SPTBN2: variants seen among roughly 807,000 people sequenced by gnomAD.
The protein encoded by SPTBN2 is spectrin beta chain, non-erythrocytic 2.
SPTBN2 carries 107 observed loss-of-function variants against 284.2 expected under a neutral mutation model. That is an observed-to-expected ratio of 0.38 (90% CI 0.32 to 0.44). SPTBN2 has a LOEUF of 0.44. Among genes scored for constraint, SPTBN2 ranks in the 20% least tolerant of loss-of-function variants. The pLI is 1.00. For synonymous variants in SPTBN2, 1,289 were observed against 1,354.8 expected (o/e 0.95, Z 1.07); for missense variants, 2,569 against 3,287.1 (o/e 0.78, Z 5.34).
Position 66,713,709 on chromosome 11 carries a change from T to C in SPTBN2, c.694A>G (p.Asn232Asp). 2 of 1,614,166 alleles carry C rather than the reference T, an allele frequency of 1.2e-6. No individual in the cohort carries two copies. The highest frequency in any genetic ancestry group is 2.7e-5 in the African/African-American group (2 of 75,056). ...LLDFESLKKC[N>D]AHYNLQNAFN... is the part of the protein sequence containing the mutation. ...GCATTCTGCAGATTATAGTGTGCAT[T>C]ACACTTCTTCAGAGACTCAAAATCC... is the stretch of plus-strand genomic sequence containing the variant. The change falls in exon 8 of 38, where the codon AAT becomes GAT. Residue 232 changes from asparagine (N) to aspartate (D), a missense_variant. Asn to Asp is a conservative substitution (Grantham distance 23, BLOSUM62 1). Transcript: ENST00000533211.
At position 66,692,769 on chromosome 11, in the gene SPTBN2, G is replaced by A. The variant is rs756535309; in HGVS notation, c.4986-29C>T. 6 of 1,599,654 alleles carry A rather than the reference G, an allele frequency of 3.8e-6. No individual in the cohort carries two copies. In the Admixed American group the frequency reaches 1.0e-4, roughly 27 times the overall value. On this transcript the variant is annotated intron_variant, in intron 25 of 37. Coordinates refer to ENST00000533211, the MANE Select transcript of SPTBN2 (RefSeq NM_006946.4). Reference sequence around the variant, plus strand: ...CAAGAAGAGTGAGGGAGGCACTGTGGGACTTAGGGGTGTAGCTCTGACCTC... The same window carrying A: ...CAAGAAGAGTGAGGGAGGCACTGTGAGACTTAGGGGTGTAGCTCTGACCTC...
chr11:66,728,392 C>A lies in SPTBN2; in HGVS notation c.-114+349G>T, dbSNP rs1274834372. The A allele has an allele frequency of 2.7e-5, 4 of 147,784 alleles. No homozygotes were observed. The East Asian group carries it at 8.0e-4, about 30-fold the overall frequency. The allele number at this position is 147,784 out of a possible 1,614,324, so 9.2% of individuals were successfully genotyped here. A position where few individuals can be genotyped will look rare whatever the true frequency, so the allele number is the denominator to read the frequency against. On this transcript the variant is annotated intron_variant, in intron 1 of 37. Transcript: ENST00000533211. ...GGCGCGAGCGGCGGGACTGCGGCGC[C>A]GCGGAAGGAGGACAATAGCCTCCCC... is the stretch of plus-strand genomic sequence containing the variant.
chr11:66,693,911 G>T lies in SPTBN2; in HGVS notation c.4504-50C>A, dbSNP rs1170985337. On this transcript the variant is annotated intron_variant, in intron 22 of 37. Coordinates refer to ENST00000533211, the MANE Select transcript of SPTBN2 (RefSeq NM_006946.4). This position sits in a 1 kb window ranked among gnomAD's most constrained non-coding sequence, Gnocchi z 5.7. ...GGAGGCCCAGAGGGCAAGGCAAGCA[G>T]CAGGGACTGATTAGTGGGAGTGGGG... 1.3e-6 allele frequency: 2 copies of T among 1,564,284 alleles called. No individual in the cohort carries two copies. The highest frequency in any genetic ancestry group is 1.7e-5 in the Admixed American group (1 of 57,976).
Position 66,714,176 on chromosome 11 carries a change from A to C in SPTBN2, c.576-5T>G. ...TGTACATTGACGTTGGGATAACTAT[A>C]AACAGAGATTCAGAAAATGGTGAGT... On this transcript the variant is annotated splice_polypyrimidine_tract_variant and splice_region_variant and intron_variant, in intron 6 of 37. Transcript: ENST00000533211. 6.2e-7 allele frequency: 1 copy of C among 1,614,058 alleles called. No homozygotes were observed. Among genetic ancestry groups the C allele is most frequent in the East Asian group, 2.2e-5 (1 of 44,884 alleles).
intron 21 of SPTBN2, among the ~76,000 whole-genome samples, chr11:66,694,634 T>C (rs1940797957): frequency 6.6e-6 from 1 of 152,162 alleles, no homozygotes. Context: ...CATCACACAA[T>C]ATAACTTATA....
chr11:66,721,988 G>C (rs1049643595), intron 1 of SPTBN2, among the ~76,000 whole-genome samples: 1 of 151,636 alleles, frequency 6.6e-6, no homozygotes, highest in African/African-American at 2.4e-5. Context: ...ACCTTAGAGC[G>C]AGACTAGTAG....
At chr11:66,737,977 G>A (rs1942866285) in intron 1 of SPTBN2, among the ~76,000 whole-genome samples, 1 of 152,284 alleles carries the variant, frequency 6.6e-6, no homozygotes, top group African/African-American at 2.4e-5. Context: ...CACTTTGGGA[G>A]GCCGAGGCAG....
rs971568410 is a variant in SPTBN2, at chr11:66,691,490, G to A, written c.5359C>T (p.Leu1787Phe). The change falls in exon 27 of 38, where the codon CTT becomes TTT. Residue 1787 changes from leucine (L) to phenylalanine (F), a missense_variant. By Grantham distance (22) the Leu-to-Phe change is conservative. Transcript: ENST00000533211. This position sits in a 1 kb window ranked among gnomAD's most constrained non-coding sequence, Gnocchi z 8.0. ...TGACCCCGTGTGTCCAGCAGCTCAA[G>A]CAGGTCAGCCCAGGCCTCGTTGAGA... The part of the protein sequence containing the change: ...DSLNEAWADL[L>F]ELLDTRGQVL... The A allele has an allele frequency of 6.2e-6, 10 of 1,612,114 alleles. No homozygotes were observed. In the Admixed American group the frequency reaches 6.7e-5, roughly 11 times the overall value.
rs1463128049 is a variant in SPTBN2, at chr11:66,691,763, C to G, written c.5191-105G>C. ...TCCAAACTCAGAACCCACCTCTCCC[C>G]GCTGCATGGGGGCCGGGACAGGTTT... On this transcript the variant is annotated intron_variant, in intron 26 of 37. Transcript: ENST00000533211. This position sits in a 1 kb window ranked among gnomAD's most constrained non-coding sequence, Gnocchi z 8.0. 5 of 1,537,640 alleles carry G rather than the reference C, an allele frequency of 3.3e-6. No individual in the cohort carries two copies. In the South Asian group the frequency reaches 5.7e-5, roughly 18 times the overall value.
intron 1 of SPTBN2, among the ~76,000 whole-genome samples, chr11:66,737,676 G>T (rs56848911): frequency 1.3e-5 from 2 of 152,130 alleles, no homozygotes. Context: ...ATACCAACTT[G>T]TTATGACTGT....
At chr11:66,699,132 G>C (rs1361146235) in intron 18 of SPTBN2, 50 bp from the exon 19 acceptor site, 2 of 1,606,956 alleles carry the variant, frequency 1.2e-6, no homozygotes, top group East Asian at 2.2e-5. Flanking sequence ...TGAAAGGATT[G>C]TGACCCTTTG....
intron 1 of SPTBN2, among the ~76,000 whole-genome samples, chr11:66,742,179 A>G (rs938074216): frequency 6.6e-6 from 1 of 152,228 alleles, no homozygotes; most frequent in African/African-American, 2.4e-5. Flanking sequence ...CAAAGATAAC[A>G]TCTTTCTTAC....
chr11:66,727,165 C>T (rs1255734806), intron 1 of SPTBN2, among the ~76,000 whole-genome samples: 1 of 152,246 alleles, frequency 6.6e-6, no homozygotes, highest in Non-Finnish European at 1.5e-5. Flanking sequence ...TCCATCCTAT[C>T]TTCTCCTCGG....
In SPTBN2 at chr11:66,714,303, A is replaced by C; in HGVS notation, c.575+13T>G. Reference sequence around the variant, plus strand: ...ACTGACCCTCCAGTGCCACACGCCCAGGGTGTCCTCACCCTGCAGTCTTCA... The same window carrying C: ...ACTGACCCTCCAGTGCCACACGCCCCGGGTGTCCTCACCCTGCAGTCTTCA... On this transcript the variant is annotated intron_variant, in intron 6 of 37. Coordinates refer to ENST00000533211, the MANE Select transcript of SPTBN2 (RefSeq NM_006946.4). The C allele has an allele frequency of 6.2e-7, 1 of 1,613,668 alleles. No individual in the cohort carries two copies. Among genetic ancestry groups the C allele is most frequent in the Non-Finnish European group, 8.5e-7 (1 of 1,179,776 alleles).
In SPTBN2 at chr11:66,700,131, T is replaced by C. The variant is rs562552057; in HGVS notation, c.3573+395A>G. Among the ~76,000 whole-genome samples, 16 of 151,918 alleles carry C rather than the reference T, an allele frequency of 1.1e-4. No individual in the cohort carries two copies. Among genetic ancestry groups the C allele is most frequent in the Admixed American group, 7.2e-4 (11 of 15,264 alleles). On this transcript the variant is annotated intron_variant, in intron 17 of 37. Transcript: ENST00000533211. This position sits in a 1 kb window ranked among gnomAD's most constrained non-coding sequence, Gnocchi z 6.6. Reference sequence around the variant, plus strand: ...CCACCATGTCCAGTTAATTTTTTTTTTTCATAGAGATGGGGGTCTCACTAT... The same window carrying C: ...CCACCATGTCCAGTTAATTTTTTTTCTTCATAGAGATGGGGGTCTCACTAT...
rs2135473836 is a variant in SPTBN2, at chr11:66,708,349, A to T, written c.1192-50T>A. 4 of 1,507,970 alleles carry T rather than the reference A, an allele frequency of 2.7e-6. No homozygotes were observed. In the East Asian group the frequency reaches 7.1e-5, roughly 27 times the overall value. 93.4% of individuals were successfully genotyped at this position (1,507,970 alleles called of 1,614,324 possible). On this transcript the variant is annotated intron_variant, in intron 11 of 37. Transcript: ENST00000533211. The surrounding 1 kb of genome is among the most constrained non-coding windows in gnomAD (Gnocchi z 4.4). ...GGAAGGGACAGGGTGGGGAGGGCTC[A>T]GTGGGGCTGGAGGCACATGGTAAGT...
rs1242694393 is a variant in SPTBN2, at chr11:66,687,728, G to T, written c.6502-81C>A. ...GTGCCAGGAAGCTCCGTGTCCAGGA[G>T]TTGGTCTTCCTGCCCCCAAGCTGCC... On this transcript the variant is annotated intron_variant, in intron 34 of 37. Transcript: ENST00000533211. The surrounding 1 kb of genome is among the most constrained non-coding windows in gnomAD (Gnocchi z 5.2). 2.5e-6 allele frequency: 4 copies of T among 1,581,168 alleles called. No individual in the cohort carries two copies. Among genetic ancestry groups the T allele is most frequent in the East Asian group, 2.3e-5 (1 of 44,426 alleles).
rs768931766 is a variant in SPTBN2 at position 66,710,663 on chromosome 11, C to T, written c.992G>A (p.Arg331Gln). ...CCCGCTAAGGGAGTTGGCCAACTGC[C>T]GGTCATTGAGGGTCACGATCGTTTG... ...IEQTIVTLND[R>Q]QLANSLSGVQ... Residue 331 changes from arginine to glutamine, a missense_variant, in exon 10 of 38, where the codon CGG (arginine) becomes CAG (glutamine). Around this residue, in one of 6 missense-constraint regions of SPTBN2, gnomAD observed 304 missense variants for 522.1 expected, o/e 0.58. Transcript: ENST00000533211. This position sits in a 1 kb window ranked among gnomAD's most constrained non-coding sequence, Gnocchi z 4.9. 7 of 1,614,132 alleles carry T rather than the reference C, an allele frequency of 4.3e-6. No homozygotes were observed. Among genetic ancestry groups the T allele is most frequent in the South Asian group, 1.1e-5 (1 of 91,072 alleles).
Position 66,691,546 on chromosome 11 carries a change from GCAGCAT to G in SPTBN2, c.5297_5302del (p.His1766_Ala1768delinsPro), listed in dbSNP as rs763218308. 6.2e-7 allele frequency: 1 copy of G among 1,613,286 alleles called. No individual in the cohort carries two copies. Among genetic ancestry groups the G allele is most frequent in the Non-Finnish European group, 8.5e-7 (1 of 1,180,046 alleles). On this transcript the variant is annotated inframe_deletion, in exon 27 of 38. Coordinates refer to ENST00000533211, the MANE Select transcript of SPTBN2 (RefSeq NM_006946.4). This position sits in a 1 kb window ranked among gnomAD's most constrained non-coding sequence, Gnocchi z 8.0. Reference sequence around the variant, plus strand: ...CTTCCACTCGGCCACGGTGGCCCGTGCAGCATGGCCCCCAGCAATGAGCCCATTGGC... The same window carrying G: ...CTTCCACTCGGCCACGGTGGCCCGTGGGCCCCCAGCAATGAGCCCATTGGC...
Sources: allele counts gnomAD v4.1 joint callset (sites outside exome capture counted in the v4.1 genomes callset), GRCh38; gene constraint gnomAD v4.1.1; regional missense constraint gnomAD v4.1.1; non-coding constraint Gnocchi (gnomAD v3.1); transcripts MANE v1.5; gene names NCBI Gene and HGNC (gene_info 2026-07-23, HGNC 2026-07-21).